IL1RN: variants seen among roughly 807,000 people sequenced by gnomAD.
IL1RN encodes interleukin-1 receptor antagonist protein.
IL1RN carries 10 observed loss-of-function variants against 13.7 expected under a neutral mutation model. The observed-to-expected ratio is 0.73, with a 90% CI of 0.45 to 1.24. The LOEUF is 1.24. Ranked by LOEUF, IL1RN falls within the 50% of genes most tolerant of loss-of-function variation. The pLI, the probability that IL1RN is intolerant of heterozygous loss-of-function variation, is 0.00. For synonymous variants in IL1RN, 102 were observed against 82.7 expected (o/e 1.23, Z -1.27); for missense variants, 213 against 222.1 (o/e 0.96, Z 0.26).
Position 113,127,760 on chromosome 2 carries a change from GAGA to G in IL1RN, c.116+23_116+25del. 6.2e-7 allele frequency: 1 copy of G among 1,612,036 alleles called. No individual in the cohort carries two copies. Among genetic ancestry groups the G allele is most frequent in the Non-Finnish European group, 8.5e-7 (1 of 1,179,010 alleles). ...CTTCAGGTAAGGCTACCCCAAGGAGGAGAAGGTGAGGGTGGATCAGCTGGAGAC... is the reference window on the plus strand; with the variant it reads ...CTTCAGGTAAGGCTACCCCAAGGAGGAGGTGAGGGTGGATCAGCTGGAGAC... On this transcript the variant is annotated intron_variant, in intron 1 of 3. Transcript: ENST00000409930.
upstream of IL1RN, among the ~76,000 whole-genome samples, chr2:113,113,700 T>C (rs540408840): frequency 5.3e-5 from 8 of 152,274 alleles, no homozygotes; most frequent in South Asian, 1.7e-3. Flanking sequence ...CCCAAACTAA[T>C]TGAGATGTAA....
upstream of IL1RN, among the ~76,000 whole-genome samples, chr2:113,105,506 A>T (rs997336652): frequency 6.6e-6 from 1 of 152,216 alleles, no homozygotes; most frequent in African/African-American, 2.4e-5. Context: ...TGCCACTCAA[A>T]CAATATGGTC....
chr2:113,106,063 A>G (rs1686382210), upstream of IL1RN, among the ~76,000 whole-genome samples: 1 of 152,198 alleles, frequency 6.6e-6, no homozygotes, highest in South Asian at 2.1e-4. Context: ...GCTTATTTTA[A>G]CTATTAATCC....
exon 2 of IL1RN, chr2:113,120,120 A>G: frequency 6.2e-7 from 1 of 1,612,508 alleles, no homozygotes; most frequent in South Asian, 1.1e-5. Context: ...GACAATGCTG[A>G]CTCAAAGGGT....
chr2:113,127,373 G>A (rs573404875), upstream of IL1RN: 517 of 772,630 alleles, frequency 6.7e-4, no homozygotes, highest in Non-Finnish European at 7.9e-4. Context: ...AGGGGAAATA[G>A]AAATCTTAAT....
chr2:113,131,068 G>T lies in IL1RN; in HGVS notation c.229G>T (p.Glu77Ter), dbSNP rs121913161. ...LEEKIDVVPI[E>*]PHALFLGIHG... ...AGAAAAGATAGATGTGGTACCCATTGAGCCTCATGCTCTGTTCTTGGGAAT... is the reference window on the plus strand; with the variant it reads ...AGAAAAGATAGATGTGGTACCCATTTAGCCTCATGCTCTGTTCTTGGGAAT... The change falls in exon 3 of 4, where the codon GAG (glutamate) becomes TAG (stop). Residue 77 changes from glutamate (E) to a stop codon, truncating the protein, a stop_gained. Transcript: ENST00000409930. LOFTEE classifies it high-confidence loss of function. The T allele has an allele frequency of 1.1e-5, 17 of 1,612,526 alleles. No individual in the cohort carries two copies. The highest frequency in any genetic ancestry group is 1.4e-5 in the Non-Finnish European group (16 of 1,178,594).
At chr2:113,114,000 C>G (rs1686546342), upstream of IL1RN, among the ~76,000 whole-genome samples, 1 of 152,060 alleles carries the variant, frequency 6.6e-6, no homozygotes, top group African/African-American at 2.4e-5. Context: ...CTTGTTGGCT[C>G]TTGTGGAATT....
chr2:113,107,753 A>T (rs1348420430), upstream of IL1RN, among the ~76,000 whole-genome samples: 2 of 152,114 alleles, frequency 1.3e-5, no homozygotes, highest in Non-Finnish European at 2.9e-5. Flanking sequence ...AACCAAACCA[A>T]ACCAATCTTT....
chr2:113,109,869 A>G (rs149553369), upstream of IL1RN, among the ~76,000 whole-genome samples: 18 of 152,224 alleles, frequency 1.2e-4, no homozygotes, highest in Non-Finnish European at 2.1e-4. Flanking sequence ...CTTTACCCAT[A>G]TGACCAAGGT....
upstream of IL1RN, among the ~76,000 whole-genome samples, chr2:113,122,715 C>T (rs2853628): frequency 1.3e-5 from 2 of 152,050 alleles, no homozygotes; most frequent in African/African-American, 4.8e-5. Flanking sequence ...GCTCATCGGG[C>T]TGGCTTTAAA....
At chr2:113,114,150 A>G (rs1334811009), upstream of IL1RN, among the ~76,000 whole-genome samples, 1 of 152,222 alleles carries the variant, frequency 6.6e-6, no homozygotes, top group Non-Finnish European at 1.5e-5. Flanking sequence ...TAGGAAAGTT[A>G]TGAGAAGTTA....
Position 113,120,099 on chromosome 2 carries a change from G to A in IL1RN, c.44G>A (p.Gly15Glu), listed in dbSNP as rs1573288353. 2.5e-6 allele frequency: 4 copies of A among 1,613,470 alleles called. No homozygotes were observed. Among genetic ancestry groups the A allele is most frequent in the Non-Finnish European group, 2.5e-6 (3 of 1,179,672 alleles). Reference sequence around the variant, plus strand: ...TATGAAGAAGGAGGTGGAGGAGGAGGAGAAGGTGAAGACAATGCTGACTCA... The same window carrying A: ...TATGAAGAAGGAGGTGGAGGAGGAGAAGAAGGTGAAGACAATGCTGACTCA... Residue 15 changes from glycine (G) to glutamate (E), a missense_variant, in exon 2 of 6, where the codon GGA (glycine) becomes GAA (glutamate). Transcript: ENST00000259206.
At chr2:113,107,584 A>AT (rs56237507), upstream of IL1RN, among the ~76,000 whole-genome samples, 1 of 148,598 alleles carries the variant, frequency 6.7e-6, no homozygotes, top group African/African-American at 2.5e-5. Flanking sequence ...AAAAAAAAAA[A>AT]TAGCCATGTG....
In IL1RN at chr2:113,127,727, A is replaced by T. The variant is rs1361738311; in HGVS notation, c.103A>T (p.Met35Leu). Residue 35 changes from methionine (M) to leucine (L), a missense_variant, in exon 1 of 4, where the codon ATG becomes TTG. By Grantham distance (15) the Met-to-Leu change is conservative (BLOSUM62 2). Coordinates refer to ENST00000409930, the MANE Select transcript of IL1RN (RefSeq NM_173842.3). ...CRPSGRKSSK[M>L]QAFRIWDVNQ... ...ACCCTCTGGGAGAAAATCCAGCAAG[A>T]TGCAAGCCTTCAGGTAAGGCTACCC... 6.2e-7 allele frequency: 1 copy of T among 1,613,834 alleles called. No homozygotes were observed. The highest frequency in any genetic ancestry group is 8.5e-7 in the Non-Finnish European group (1 of 1,179,960).
chr2:113,109,225 C>G (rs1686448031), upstream of IL1RN, among the ~76,000 whole-genome samples: 1 of 151,886 alleles, frequency 6.6e-6, no homozygotes, highest in Non-Finnish European at 1.5e-5. Flanking sequence ...CCAGCCTGAC[C>G]AACATGGGGA....
At chr2:113,115,564 A>C (rs527259249), upstream of IL1RN, 4 of 152,224 alleles carry the variant, frequency 2.6e-5, no homozygotes, top group Non-Finnish European at 5.9e-5. Context: ...GTGGATCCTC[A>C]GGGTTCTTCA....
chr2:113,114,399 G>A (rs1160801303), upstream of IL1RN, among the ~76,000 whole-genome samples: 2 of 35,852 alleles, frequency 5.6e-5, no homozygotes, highest in Admixed American at 4.9e-4. Context: ...TTAGTTTGAG[G>A]CAGCTGCCCA....
chr2:113,120,725 T>C lies in IL1RN; in HGVS notation c.73+597T>C, dbSNP rs141009427. Among the ~76,000 whole-genome samples the C allele has an allele frequency of 2.3e-4, 35 of 152,282 alleles. 3 individuals carry two copies. In the East Asian group the frequency reaches 6.8e-3, roughly 29 times the overall value. ...TATTACCAAAAATCCTCCCCAAATT[T>C]TCAAGAAATTATGAACTAAATAGTT... On this transcript the variant is annotated intron_variant, in intron 2 of 5. Coordinates refer to the IL1RN transcript ENST00000259206.
At chr2:113,103,996 G>T (rs867040644), upstream of IL1RN, among the ~76,000 whole-genome samples, 74 of 146,208 alleles carry the variant, frequency 5.1e-4, no homozygotes, top group Non-Finnish European at 7.6e-4. Flanking sequence ...ATCAAGGGGT[G>T]TTTTTTTTTT....
Sources: allele counts gnomAD v4.1 joint callset (sites outside exome capture counted in the v4.1 genomes callset), GRCh38; gene constraint gnomAD v4.1.1; transcripts MANE v1.5; gene names NCBI Gene and HGNC (gene_info 2026-07-23, HGNC 2026-07-21).